Variants in DGKG observed in about 807,000 individuals in gnomAD.
The protein encoded by DGKG is diacylglycerol kinase gamma.
DGKG carries 78 observed loss-of-function variants against 105.3 expected under a neutral mutation model. The observed-to-expected ratio is 0.74, with a 90% CI of 0.62 to 0.89. DGKG has a LOEUF of 0.89. Among genes scored for constraint, DGKG ranks in the 40% least tolerant of loss-of-function variants. The pLI is 0.00. For synonymous variants in DGKG, 346 were observed against 367.1 expected, an observed-to-expected ratio of 0.94 and a Z score of 0.66; for missense variants, 958 against 1,020.1, an observed-to-expected ratio of 0.94 and a Z score of 0.83.
Position 186,284,550 on chromosome 3 carries a change from T to C in DGKG, c.594+110A>G. 2 of 934,206 alleles carry C rather than the reference T, an allele frequency of 2.1e-6. No individual in the cohort carries two copies. Among genetic ancestry groups the C allele is most frequent in the Non-Finnish European group, 3.5e-6 (2 of 574,512 alleles). The allele number at this position is 934,206 out of a possible 1,614,324, so 57.9% of individuals were successfully genotyped here. A position where few individuals can be genotyped will look rare whatever the true frequency, so the allele number is the denominator to read the frequency against. ...ATTTCCTCAGCCTGCATCGAGACAT[T>C]GCTATTACTACAAAGACGGAACTGA... On this transcript the variant is annotated intron_variant, in intron 7 of 24. Transcript: ENST00000265022. The surrounding 1 kb of genome is among the most constrained non-coding windows in gnomAD (Gnocchi z 4.0).
At chr3:186,273,757 T>C (rs1237356628) in intron 10 of DGKG, among the ~76,000 whole-genome samples, 2 of 152,082 alleles carry the variant, frequency 1.3e-5, no homozygotes, top group Non-Finnish European at 2.9e-5. Flanking sequence ...GTGGCTGAGG[T>C]CACTTGCTGC....
At chr3:186,342,576 T>C (rs1032782787) in intron 1 of DGKG, among the ~76,000 whole-genome samples, 1 of 152,122 alleles carries the variant, frequency 6.6e-6, no homozygotes, top group African/African-American at 2.4e-5. Flanking sequence ...TTTTGTTTTG[T>C]TTTATTTCTG....
intron 24 of DGKG, chr3:186,160,390 C>G (rs1716237134): frequency 9.1e-6 from 9 of 985,300 alleles, no homozygotes; most frequent in Non-Finnish European, 1.1e-5. Flanking sequence ...CTTCTCAACT[C>G]AGTTCCATCA....
chr3:186,288,211 G>C (rs755922625), intron 6 of DGKG, among the ~76,000 whole-genome samples: 5 of 152,190 alleles, frequency 3.3e-5, no homozygotes, highest in Admixed American at 2.0e-4. Context: ...GGGGTGGCGG[G>C]GGGGCATAGG....
intron 22 of DGKG, among the ~76,000 whole-genome samples, chr3:186,176,801 T>G (rs912548231): frequency 5.3e-5 from 8 of 152,220 alleles, no homozygotes; most frequent in African/African-American, 1.9e-4. Context: ...GCTGGATAAA[T>G]AGACCTGAGG....
chr3:186,149,485 G>A lies in DGKG; in HGVS notation c.*605C>T. On this transcript the variant is annotated 3_prime_UTR_variant, in exon 25 of 25. Transcript: ENST00000265022. ...GCAGAAACCCAAGAATGGAAATACA[G>A]CTTTCCACAGCCTTTCTGCCTCTTC... 1.0e-6 allele frequency: 1 copy of A among 985,476 alleles called. No homozygotes were observed. The highest frequency in any genetic ancestry group is 1.2e-6 in the Non-Finnish European group (1 of 829,948). The allele number at this position is 985,476 out of a possible 1,614,324, so 61.0% of individuals were successfully genotyped here. A position where few individuals can be genotyped will look rare whatever the true frequency, so the allele number is the denominator to read the frequency against.
chr3:186,170,209 G>A (rs765197511), intron 22 of DGKG, among the ~76,000 whole-genome samples: 1 of 152,214 alleles, frequency 6.6e-6, no homozygotes, highest in Non-Finnish European at 1.5e-5. Flanking sequence ...GAATGTGTGA[G>A]CATAGGAGCT....
chr3:186,336,283 G>T (rs1725830222), intron 1 of DGKG, among the ~76,000 whole-genome samples: 1 of 152,028 alleles, frequency 6.6e-6, no homozygotes, highest in African/African-American at 2.4e-5. Context: ...TAACACTTCT[G>T]CATGACAATC....
At chr3:186,214,586 A>G (rs1049566559) in intron 20 of DGKG, among the ~76,000 whole-genome samples, 13 of 152,322 alleles carry the variant, frequency 8.5e-5, no homozygotes, top group African/African-American at 2.9e-4. Flanking sequence ...TGAAAAAAAT[A>G]TGCTCCCCAT....
chr3:186,265,471 TG>T (rs1722001776), intron 13 of DGKG, among the ~76,000 whole-genome samples, 165 bp from the exon 14 acceptor site: 1 of 143,988 alleles, frequency 6.9e-6, no homozygotes, highest in Admixed American at 7.0e-5. Context: ...AATAAAGAAA[TG>T]TACCCCTATG....
intron 24 of DGKG, chr3:186,161,254 T>C: frequency 4.8e-6 from 5 of 1,049,220 alleles, no homozygotes; most frequent in East Asian, 1.7e-4. Flanking sequence ...AGTCTTCCTT[T>C]TGAGGTAGTA....
chr3:186,360,049 T>C (rs1727153605), intron 1 of DGKG, among the ~76,000 whole-genome samples: 1 of 152,158 alleles, frequency 6.6e-6, no homozygotes, highest in Non-Finnish European at 1.5e-5. Flanking sequence ...GGAGAGTTGC[T>C]GGCTTCTGGG....
intron 23 of DGKG, among the ~76,000 whole-genome samples, chr3:186,162,843 A>C (rs188295137): frequency 1.6e-3 from 237 of 151,992 alleles, no homozygotes; most frequent in African/African-American, 4.9e-3. Context: ...CGCCTGGCCC[A>C]ACCTCAATCC....
chr3:186,247,392 T>C (rs1315769316), intron 19 of DGKG, among the ~76,000 whole-genome samples: 4 of 152,276 alleles, frequency 2.6e-5, no homozygotes, highest in Middle Eastern at 3.4e-3. Context: ...TCTTTATAAA[T>C]ACAAAGCAAC....
At chr3:186,273,613 T>A (rs1048577235) in intron 10 of DGKG, among the ~76,000 whole-genome samples, 11 of 152,102 alleles carry the variant, frequency 7.2e-5, no homozygotes, top group Non-Finnish European at 2.9e-5. Context: ...GACCTCGTGA[T>A]CCACCCGTCT....
At chr3:186,339,158 T>A (rs1048670791) in intron 1 of DGKG, among the ~76,000 whole-genome samples, 1 of 152,242 alleles carries the variant, frequency 6.6e-6, no homozygotes. Flanking sequence ...AATGGGCAAT[T>A]ATGCTTGTGC....
At chr3:186,275,496 C>T (rs746229465) in intron 10 of DGKG, 51 bp downstream of exon 10, 45 of 1,483,474 alleles carry the variant, frequency 3.0e-5, no homozygotes, top group Admixed American at 1.3e-4. Flanking sequence ...ACCAACCATG[C>T]GCAGAGCAAG....
At chr3:186,286,168 G>A (rs1284818767) in intron 6 of DGKG, among the ~76,000 whole-genome samples, 2 of 152,082 alleles carry the variant, frequency 1.3e-5, no homozygotes, top group African/African-American at 4.8e-5. Context: ...TTTCAGGGGT[G>A]CATCGCTGGT....
At position 186,339,758 on chromosome 3, in the gene DGKG, T is replaced by A. The variant is rs75509116; in HGVS notation, c.-248-19051A>T. On this transcript the variant is annotated intron_variant, in intron 1 of 24. Coordinates refer to ENST00000265022, the MANE Select transcript of DGKG (RefSeq NM_001346.3). ...TCCTTTGTACCACTGGCTTCTGATGTGGAGCACAAAGTGTCAGCAGTACCC... is the reference window on the plus strand; with the variant it reads ...TCCTTTGTACCACTGGCTTCTGATGAGGAGCACAAAGTGTCAGCAGTACCC... Among the ~76,000 whole-genome samples, 132 of 152,302 alleles carry A rather than the reference T, an allele frequency of 8.7e-4. 1 individual carries two copies. The East Asian group carries it at 0.015, about 17-fold the overall frequency.
Sources: allele counts gnomAD v4.1 joint callset (sites outside exome capture counted in the v4.1 genomes callset), GRCh38; gene constraint gnomAD v4.1.1; non-coding constraint Gnocchi (gnomAD v3.1); transcripts MANE v1.5; gene names NCBI Gene and HGNC (gene_info 2026-07-23, HGNC 2026-07-21).